RUVBL1: variants seen among roughly 807,000 people sequenced by gnomAD.
The protein encoded by RUVBL1 is ruvB-like 1.
In RUVBL1, 4 loss-of-function variants were observed where a neutral mutation model predicts 52.4. The ratio of observed to expected loss-of-function variants is 0.08; its 90% CI spans 0.04 to 0.17. The LOEUF is 0.17. Among genes scored for constraint, RUVBL1 ranks in the 10% least tolerant of loss-of-function variants. The probability of loss-of-function intolerance (pLI) is 1.00; values close to 1 mark genes in which losing one functional copy is unlikely to be tolerated. For missense variants in RUVBL1, 298 were observed against 572.8 expected (o/e 0.52, Z 4.90); for synonymous variants, 217 against 214.4 (o/e 1.01, Z -0.10).
rs572232209 is a variant in RUVBL1, at chr3:128,093,496, T to G, written c.1016+3804A>C. On this transcript the variant is annotated intron_variant, in intron 8 of 10. Transcript: ENST00000322623. ...TGAATTATGTCTCCATAAAGTTGGT[T>G]TTTTTTTTTGTTGGAACACTATCTG... Among the ~76,000 whole-genome samples the G allele has an allele frequency of 5.3e-5, 8 of 150,822 alleles. No homozygotes were observed. In the South Asian group the frequency reaches 1.3e-3, roughly 24 times the overall value.
At chr3:128,076,169 G>C (rs1426317451), downstream of RUVBL1, 1 of 152,378 alleles carries the variant, frequency 6.6e-6, no homozygotes, top group Non-Finnish European at 1.5e-5. The surrounding 1 kb of genome is among the most constrained non-coding windows in gnomAD (Gnocchi z 6.8). Flanking sequence ...GAGGGGCAGT[G>C]CCTCAGAGGC....
At chr3:128,090,523 C>CA (rs895307092) in intron 8 of RUVBL1, among the ~76,000 whole-genome samples, 4 of 149,774 alleles carry the variant, frequency 2.7e-5, no homozygotes, top group African/African-American at 7.4e-5. Context: ...CGTCTCAAAA[C>CA]AAAAAAAAAT....
At chr3:128,144,051 T>C (rs560310757) in intron 1 of RUVBL1, among the ~76,000 whole-genome samples, 2 of 152,318 alleles carry the variant, frequency 1.3e-5, no homozygotes, top group South Asian at 4.1e-4. Context: ...TCAGGCTTCC[T>C]TGACCCGTGG....
At chr3:128,150,829 AT>A (rs1944182317) in intron 1 of RUVBL1, among the ~76,000 whole-genome samples, 1 of 89,580 alleles carries the variant, frequency 1.1e-5, no homozygotes, top group African/African-American at 4.6e-5. Context: ...TATTCTATAT[AT>A]TATATATTCT....
intron 1 of RUVBL1, among the ~76,000 whole-genome samples, chr3:128,121,503 A>T (rs1309895214): frequency 6.6e-6 from 1 of 151,422 alleles, no homozygotes; most frequent in African/African-American, 2.4e-5. Context: ...TGAGGTCAGG[A>T]GTTCAAGACC....
intron 8 of RUVBL1, among the ~76,000 whole-genome samples, chr3:128,095,451 A>G (rs1280011651): frequency 3.3e-5 from 5 of 152,268 alleles, no homozygotes; most frequent in African/African-American, 1.2e-4. Flanking sequence ...GCCCACATGC[A>G]TCTGTCTCCA....
intron 9 of RUVBL1, chr3:128,069,442 G>C (rs1380142683): frequency 6.3e-7 from 1 of 1,595,062 alleles, no homozygotes; most frequent in Non-Finnish European, 8.5e-7. Flanking sequence ...GAGCTCTGTG[G>C]GTGTCCAGGA....
At position 128,101,597 on chromosome 3, in the gene RUVBL1, C is replaced by G. The variant is rs1355958499; in HGVS notation, c.565G>C (p.Asp189His). The G allele has an allele frequency of 6.2e-7, 1 of 1,614,102 alleles. No individual in the cohort carries two copies. Among genetic ancestry groups the G allele is most frequent in the Admixed American group, 1.7e-5 (1 of 60,024 alleles). ...SLQKERVEAG[D>H]VIYIEANSGA... ...CTGTTGGCTTCAATGTAAATCACAT[C>G]TCCAGCTTCTACTCGCTCTTTCTGC... is the stretch of plus-strand genomic sequence containing the variant. The change falls in exon 5 of 11, where the codon GAT (aspartate) becomes CAT (histidine). Residue 189 changes from aspartate (D) to histidine (H), a missense_variant. Coordinates refer to ENST00000322623, the MANE Select transcript of RUVBL1 (RefSeq NM_003707.3).
At chr3:128,109,666 G>C (rs1943330707) in intron 3 of RUVBL1, among the ~76,000 whole-genome samples, 1 of 151,648 alleles carries the variant, frequency 6.6e-6, no homozygotes, top group South Asian at 2.1e-4. Context: ...GCTAATTTTT[G>C]TATTTTTTGT....
At position 128,082,862 on chromosome 3, in the gene RUVBL1, C is replaced by T. The variant is rs1373415759; in HGVS notation, c.1120-288G>A. ...AGGAGGTATGCAGCTTCCCAAGTGG[C>T]TCACTCTTGCCTCCATGTCCTCCCG... On this transcript the variant is annotated intron_variant, in intron 9 of 10. Transcript: ENST00000322623. This position sits in a 1 kb window ranked among gnomAD's most constrained non-coding sequence, Gnocchi z 4.7. 6.8e-6 allele frequency: 2 copies of T among 296,184 alleles called. No homozygotes were observed. Among genetic ancestry groups the T allele is most frequent in the African/African-American group, 2.2e-5 (1 of 44,732 alleles). 18.3% of individuals were successfully genotyped at this position (296,184 alleles called of 1,614,324 possible). A position where few individuals can be genotyped will look rare whatever the true frequency, so the allele number is the denominator to read the frequency against.
At position 128,140,269 on chromosome 3, in the gene RUVBL1, C is replaced by G. The variant is rs370782762; in HGVS notation, c.-40+12934G>C. Among the ~76,000 whole-genome samples the G allele has an allele frequency of 6.4e-4, 86 of 134,036 alleles. 8 individuals are homozygous for G. The highest frequency in any genetic ancestry group is 2.5e-3 in the African/African-American group (84 of 33,566). 87.9% of individuals were successfully genotyped at this position (134,036 alleles called of 152,430 possible). ...TTTGAGACGGAGTCTCCCTCTGTTA[C>G]CCAGGCTAGAGGGCAGTGGCGTGAT... On this transcript the variant is annotated intron_variant, in intron 1 of 9. Coordinates refer to the RUVBL1 transcript ENST00000464873.
chr3:128,076,360 G>T (rs961360752), downstream of RUVBL1, among the ~76,000 whole-genome samples: 2 of 152,190 alleles, frequency 1.3e-5, no homozygotes, highest in Non-Finnish European at 2.9e-5. This position sits in a 1 kb window ranked among gnomAD's most constrained non-coding sequence, Gnocchi z 6.8. Flanking sequence ...GACCACTTGC[G>T]ATGACAGCTA....
chr3:128,106,837 A>C (rs1943253184), intron 3 of RUVBL1, among the ~76,000 whole-genome samples: 1 of 152,220 alleles, frequency 6.6e-6, no homozygotes, highest in African/African-American at 2.4e-5. Context: ...GCCAGGCATA[A>C]CTGAACTGTA....
intron 9 of RUVBL1, chr3:128,070,633 A>G (rs1050259957): frequency 6.6e-6 from 1 of 152,286 alleles, no homozygotes; most frequent in Non-Finnish European, 1.5e-5. Flanking sequence ...ACTGCACGCA[A>G]GTGAGCAGAC....
chr3:128,129,997 G>A (rs1943849751), intron 1 of RUVBL1, among the ~76,000 whole-genome samples: 1 of 152,060 alleles, frequency 6.6e-6, no homozygotes, highest in Non-Finnish European at 1.5e-5. Context: ...ACATAAAATG[G>A]TTAAAATGGT....
chr3:128,119,195 T>C, intron 2 of RUVBL1, 133 bp downstream of exon 2: 1 of 585,452 alleles, frequency 1.7e-6, no homozygotes, highest in South Asian at 2.4e-5. Context: ...ATTGTATTAT[T>C]GCATATTAAT....
intron 8 of RUVBL1, among the ~76,000 whole-genome samples, chr3:128,092,619 C>T (rs376028357): frequency 2.0e-5 from 3 of 152,194 alleles, no homozygotes; most frequent in African/African-American, 7.2e-5. Flanking sequence ...CATCCTTAGT[C>T]GTTAAGGCAA....
rs1414342983 is a variant in RUVBL1, at chr3:128,108,535, T to TA, written c.362-3612dup. Among the ~76,000 whole-genome samples the TA allele has an allele frequency of 5.3e-5, 8 of 151,746 alleles. No homozygotes were observed. In the South Asian group the frequency reaches 6.3e-4, roughly 12 times the overall value. On this transcript the variant is annotated intron_variant, in intron 3 of 10. Coordinates refer to ENST00000322623, the MANE Select transcript of RUVBL1 (RefSeq NM_003707.3). Reference sequence around the variant, plus strand: ...ACATTTTTTAAGTAAATAGAACATTTAAAAAAAATACTCAGGGACCAGACA... The same window carrying TA: ...ACATTTTTTAAGTAAATAGAACATTTAAAAAAAAATACTCAGGGACCAGACA...
Position 128,087,754 on chromosome 3 carries a change from T to G in RUVBL1, c.1071A>C (p.Arg357=). 1 of 1,614,026 alleles carries G rather than the reference T, an allele frequency of 6.2e-7. No individual in the cohort carries two copies. Among genetic ancestry groups the G allele is most frequent in the South Asian group, 1.1e-5 (1 of 91,074 alleles). ...PHGIPLDLLD[R]VMIIRTMLYT... ...ACAGCATGGTCCGGATTATCATCAC[T>G]CGGTCCAGAAGGTCAAGAGGGATGC... Residue 357 remains arginine (R), a synonymous_variant, in exon 9 of 11, where the codon CGA becomes CGC. Transcript: ENST00000322623.
Sources: gnomAD v4.1 joint callset for allele counts (sites outside exome capture counted in the v4.1 genomes callset) on GRCh38, gnomAD v4.1.1 for gene constraint, Gnocchi (gnomAD v3.1) non-coding constraint, MANE v1.5 for transcripts, NCBI Gene and HGNC (gene_info 2026-07-23, HGNC 2026-07-21) for gene names.